The following WDR41 variants were observed in gnomAD, a reference collection of about 807,000 sequenced individuals.
WDR41 encodes the protein WD repeat domain 41, also known as WD repeat-containing protein 41.
In WDR41, 63 loss-of-function variants were observed where a neutral mutation model predicts 69.3. That is an observed-to-expected ratio of 0.91 (90% CI 0.74 to 1.12). The LOEUF (loss-of-function observed/expected upper bound fraction) is 1.12, where lower values mean the gene tolerates loss of function less well. Among genes scored for constraint, WDR41 ranks in the 50% most tolerant of loss-of-function variants. The probability of loss-of-function intolerance (pLI) is 0.00; values close to 1 mark genes in which losing one functional copy is unlikely to be tolerated. For synonymous variants in WDR41, 185 were observed against 192.1 expected (o/e 0.96, Z 0.31); for missense variants, 543 against 534.5 (o/e 1.02, Z -0.16).
chr5:77,487,155 T>C (rs1801561021), intron 2 of WDR41, among the ~76,000 whole-genome samples: 2 of 152,222 alleles, frequency 1.3e-5, no homozygotes, highest in South Asian at 4.1e-4. Context: ...TTTATACAAA[T>C]ATTTAAAGTC....
At chr5:77,443,876 CTTTTTTTTT>C (rs746105630) in intron 8 of WDR41, among the ~76,000 whole-genome samples, 1 of 105,028 alleles carries the variant, frequency 9.5e-6, no homozygotes, top group East Asian at 2.7e-4. Flanking sequence ...TCAATCAGCA[CTTTTTTTTT>C]TTTTTTTTTT....
At chr5:77,556,409 G>T (rs116300850) in intron 1 of WDR41, among the ~76,000 whole-genome samples, 48,054 of 151,614 alleles carry the variant, frequency 0.32, 9,219 homozygotes, top group African/African-American at 0.52. Flanking sequence ...CCGACTGACT[G>T]ACTGTTTGTT....
chr5:77,466,186 C>T (rs1800296798), intron 2 of WDR41, among the ~76,000 whole-genome samples: 1 of 151,840 alleles, frequency 6.6e-6, no homozygotes, highest in Non-Finnish European at 1.5e-5. Context: ...AAATCCATGC[C>T]TATCATTTAT....
intron 1 of WDR41, among the ~76,000 whole-genome samples, chr5:77,534,618 G>A (rs986645335): frequency 2.0e-5 from 3 of 151,982 alleles, no homozygotes; most frequent in Admixed American, 6.6e-5. Context: ...ATTTTTAGTG[G>A]AGACAGGCTT....
At chr5:77,612,762 C>A (rs1252026216) in intron 1 of WDR41, among the ~76,000 whole-genome samples, 1 of 150,000 alleles carries the variant, frequency 6.7e-6, no homozygotes, top group African/African-American at 2.4e-5. Context: ...CTCACCACTC[C>A]TATTCAACAT....
chr5:77,479,268 G>A (rs370024009), intron 2 of WDR41, among the ~76,000 whole-genome samples: 367 of 150,430 alleles, frequency 2.4e-3, no homozygotes, highest in African/African-American at 8.4e-3. Flanking sequence ...TATAGATTCA[G>A]TGCCATCCCC....
chr5:77,573,122 A>T (rs1015895949), intron 1 of WDR41, among the ~76,000 whole-genome samples: 4 of 152,150 alleles, frequency 2.6e-5, no homozygotes, highest in Non-Finnish European at 5.9e-5. Context: ...TCTCCAGGAC[A>T]GATCTGTTTT....
At chr5:77,510,031 T>C (rs1417131412) in intron 1 of WDR41, among the ~76,000 whole-genome samples, 1 of 152,264 alleles carries the variant, frequency 6.6e-6, no homozygotes, top group African/African-American at 2.4e-5. Flanking sequence ...CCTAAACCAA[T>C]CACTAGTATG....
At chr5:77,530,475 T>TA (rs1293995466) in intron 1 of WDR41, among the ~76,000 whole-genome samples, 8 of 151,548 alleles carry the variant, frequency 5.3e-5, no homozygotes, top group African/African-American at 1.9e-4. Context: ...ATGGATGAAC[T>TA]AAAAAAATTA....
chr5:77,606,904 A>AG (rs1371650329), intron 1 of WDR41, among the ~76,000 whole-genome samples: 3 of 147,856 alleles, frequency 2.0e-5, no homozygotes, highest in Non-Finnish European at 4.4e-5. Flanking sequence ...TCAATGAAAA[A>AG]GAAAAAAAAA....
chr5:77,443,933 A>G lies in WDR41; in HGVS notation c.698-2936T>C, dbSNP rs1349233717. On this transcript the variant is annotated intron_variant, in intron 8 of 12. Coordinates refer to ENST00000296679, the MANE Select transcript of WDR41 (RefSeq NM_018268.4). ...AGTCTCACTCTGTCACCCAGGCTGG[A>G]GTACAGTAACACAATCTTGGCTCCC... is the stretch of plus-strand genomic sequence containing the variant. Among the ~76,000 whole-genome samples the G allele has an allele frequency of 3.0e-5, 4 of 133,498 alleles. No homozygotes were observed. In the Admixed American group the frequency reaches 3.4e-4, roughly 11 times the overall value. The allele number at this position is 133,498 out of a possible 152,430, so 87.6% of individuals were successfully genotyped here.
intron 11 of WDR41, 50 bp downstream of exon 11, chr5:77,437,286 G>A (rs1161660744): frequency 2.0e-6 from 3 of 1,480,076 alleles, no homozygotes; most frequent in Non-Finnish European, 2.8e-6. Context: ...TGCCTTTCAC[G>A]TGAGAAAAAA....
At chr5:77,491,068 G>T in intron 1 of WDR41, 1 of 291,394 alleles carries the variant, frequency 3.4e-6, no homozygotes, top group Non-Finnish European at 7.2e-6. Context: ...GCACATATAC[G>T]CCCAGATGGC....
At chr5:77,461,738 T>C (rs1800074751) in intron 4 of WDR41, among the ~76,000 whole-genome samples, 1 of 151,824 alleles carries the variant, frequency 6.6e-6, no homozygotes, top group Non-Finnish European at 1.5e-5. Context: ...CTTGGGTGGC[T>C]GAGGCAGAAG....
At chr5:77,480,868 T>C (rs1801203952) in intron 2 of WDR41, among the ~76,000 whole-genome samples, 1 of 151,248 alleles carries the variant, frequency 6.6e-6, no homozygotes, top group Non-Finnish European at 1.5e-5. Flanking sequence ...ACCAAAAAAA[T>C]CTGTGTGACT....
intron 6 of WDR41, 131 bp downstream of exon 6, chr5:77,453,686 C>A (rs1581710050): frequency 2.7e-5 from 18 of 663,822 alleles, no homozygotes. Context: ...AATATGGCTA[C>A]CTGTTATCTT....
intron 2 of WDR41, among the ~76,000 whole-genome samples, chr5:77,479,386 C>G (rs538055390): frequency 6.6e-6 from 1 of 152,222 alleles, no homozygotes; most frequent in South Asian, 2.1e-4. Context: ...GCCAAAAGAG[C>G]AAAGCTGGAG....
At chr5:77,506,259 T>C (rs910742390) in intron 1 of WDR41, among the ~76,000 whole-genome samples, 89 of 152,278 alleles carry the variant, frequency 5.8e-4, no homozygotes, top group African/African-American at 2.0e-3. Flanking sequence ...AAAGAAGACA[T>C]TTATGCAGCC....
chr5:77,601,265 T>C (rs1046304971), intron 1 of WDR41, among the ~76,000 whole-genome samples: 14 of 152,160 alleles, frequency 9.2e-5, no homozygotes, highest in African/African-American at 2.9e-4. Flanking sequence ...CTTGACCCTT[T>C]ATTAAATTTT....
Sources: gnomAD v4.1 joint callset for allele counts (sites outside exome capture counted in the v4.1 genomes callset) on GRCh38, gnomAD v4.1.1 for gene constraint, MANE v1.5 for transcripts, NCBI Gene and HGNC (gene_info 2026-07-23, HGNC 2026-07-21) for gene names.